The following ABCA13 variants were observed in gnomAD, a reference collection of about 807,000 sequenced individuals.
ABCA13 encodes the protein ATP binding cassette subfamily A member 13, also known as ATP-binding cassette sub-family A member 13.
A neutral mutation model predicts 478.7 loss-of-function variants in ABCA13; 476 were observed. The ratio of observed to expected loss-of-function variants is 0.99; its 90% CI spans 0.92 to 1.07. The LOEUF is 1.07. ABCA13 is among the 50% of genes least tolerant of loss of function. ABCA13 has a pLI of 0.00. For missense variants in ABCA13, 6,060 were observed against 5,910.6 expected (o/e 1.03, Z -0.83); for synonymous variants, 2,252 against 2,158.9 (o/e 1.04, Z -1.20).
At chr7:48,491,992 C>T (rs11760636) in intron 48 of ABCA13, among the ~76,000 whole-genome samples, 42,940 of 152,044 alleles carry the variant, frequency 0.28, 6,640 homozygotes, top group African/African-American at 0.4. Context: ...TTATACTACA[C>T]GGACAATATA....
chr7:48,536,565 G>T (rs1017429423), intron 55 of ABCA13, among the ~76,000 whole-genome samples: 2 of 151,638 alleles, frequency 1.3e-5, no homozygotes, highest in African/African-American at 4.8e-5. Context: ...GGAGAATCAC[G>T]TCAACTCTGG....
In ABCA13 at chr7:48,180,721, G is replaced by A. The variant is rs183522183; in HGVS notation, c.69+9169G>A. ...GGATTACAGGCGTGAGCCACCATGC[G>A]TGGCCGATGCTGGACATCTCTTAAT... On this transcript the variant is annotated intron_variant, in intron 1 of 61. Coordinates refer to ENST00000435803, the MANE Select transcript of ABCA13 (RefSeq NM_152701.5). Among the ~76,000 whole-genome samples the A allele has an allele frequency of 6.2e-3, 946 of 152,140 alleles. 5 individuals carry two copies. The highest frequency in any genetic ancestry group is 0.013 in the South Asian group (62 of 4,826).
At chr7:48,557,671 A>G (rs68110103) in intron 55 of ABCA13, among the ~76,000 whole-genome samples, 21,074 of 151,932 alleles carry the variant, frequency 0.14, 1,834 homozygotes, top group African/African-American at 0.23. Context: ...AATGGCTCAG[A>G]GTAGTCTTCT....
chr7:48,428,067 A>C (rs545730579), intron 42 of ABCA13, among the ~76,000 whole-genome samples, 196 bp downstream of exon 42: 91 of 150,350 alleles, frequency 6.1e-4, no homozygotes, highest in African/African-American at 2.2e-3. Context: ...AAAAAAAAAA[A>C]CTGTGTGTTT....
intron 25 of ABCA13, among the ~76,000 whole-genome samples, 194 bp downstream of exon 25, chr7:48,313,425 A>G (rs1802070326): frequency 6.6e-6 from 1 of 152,250 alleles, no homozygotes. Context: ...TAAAAACTGC[A>G]TGAAACTGAT....
At chr7:48,398,822 C>A (rs193181819) in intron 38 of ABCA13, among the ~76,000 whole-genome samples, 2 of 152,160 alleles carry the variant, frequency 1.3e-5, no homozygotes, top group Admixed American at 6.5e-5. Context: ...AAGCATTGAT[C>A]CCTGGACACT....
At chr7:48,619,620 A>C (rs995237163) in intron 59 of ABCA13, among the ~76,000 whole-genome samples, 1 of 152,180 alleles carries the variant, frequency 6.6e-6, no homozygotes, top group Non-Finnish European at 1.5e-5. Flanking sequence ...CGGTGACATC[A>C]CAAGGCCTAA....
chr7:48,216,662 A>T (rs1279482497), intron 3 of ABCA13, among the ~76,000 whole-genome samples: 1 of 151,810 alleles, frequency 6.6e-6, no homozygotes, highest in Non-Finnish European at 1.5e-5. Context: ...GCTCAGCCTA[A>T]CCTTCAATCA....
chr7:48,631,832 T>C (rs1020930879), intron 59 of ABCA13, among the ~76,000 whole-genome samples: 1 of 152,162 alleles, frequency 6.6e-6, no homozygotes, highest in Non-Finnish European at 1.5e-5. Context: ...ATTTGTGCCA[T>C]ATATGATTTC....
At chr7:48,453,180 ATCT>A (rs1232819270) in intron 42 of ABCA13, among the ~76,000 whole-genome samples, 5 of 152,028 alleles carry the variant, frequency 3.3e-5, no homozygotes, top group African/African-American at 1.2e-4. Flanking sequence ...GAGAATTTCA[ATCT>A]TCTGGGAAGT....
At chr7:48,403,290 G>A (rs1317720360) in intron 38 of ABCA13, among the ~76,000 whole-genome samples, 1 of 152,334 alleles carries the variant, frequency 6.6e-6, no homozygotes, top group African/African-American at 2.4e-5. Context: ...AGCTGGGCCT[G>A]CCTTGCTTCT....
intron 48 of ABCA13, among the ~76,000 whole-genome samples, chr7:48,497,694 G>A (rs1830394340): frequency 1.4e-5 from 2 of 141,394 alleles, no homozygotes. Flanking sequence ...TCGCCCACCA[G>A]CCTCACTGAC....
intron 1 of ABCA13, among the ~76,000 whole-genome samples, chr7:48,190,661 AT>A (rs1454988087): frequency 1.3e-5 from 2 of 152,156 alleles, no homozygotes; most frequent in African/African-American, 4.8e-5. Context: ...AAACATGCAA[AT>A]TTTCATGATG....
chr7:48,526,198 C>T (rs1832882817), intron 54 of ABCA13, among the ~76,000 whole-genome samples: 1 of 151,938 alleles, frequency 6.6e-6, no homozygotes, highest in Non-Finnish European at 1.5e-5. Context: ...GTTTCTATGA[C>T]CAGCCTCAGG....
chr7:48,219,272 T>G (rs1786979847), intron 3 of ABCA13, 82 bp from the exon 4 acceptor site: 1 of 1,439,728 alleles, frequency 6.9e-7, no homozygotes, highest in Admixed American at 2.8e-5. Flanking sequence ...TGAAAGCAAT[T>G]TGGTATCAAG....
intron 42 of ABCA13, among the ~76,000 whole-genome samples, chr7:48,439,865 G>C (rs994645586): frequency 2.6e-5 from 4 of 152,002 alleles, no homozygotes; most frequent in African/African-American, 9.7e-5. Flanking sequence ...TTTAATTGTG[G>C]GAGTGACAGT....
chr7:48,447,256 C>T (rs1824418885), intron 42 of ABCA13, among the ~76,000 whole-genome samples: 1 of 152,120 alleles, frequency 6.6e-6, no homozygotes, highest in African/African-American at 2.4e-5. Flanking sequence ...GATAAATAGG[C>T]CCTTGAAAGC....
chr7:48,247,402 CT>C (rs1484700841), intron 13 of ABCA13, among the ~76,000 whole-genome samples: 1 of 152,082 alleles, frequency 6.6e-6, no homozygotes, highest in Non-Finnish European at 1.5e-5. Flanking sequence ...AACTTGTAGT[CT>C]CATACGAAGC....
intron 1 of ABCA13, among the ~76,000 whole-genome samples, chr7:48,173,432 G>C (rs1794422348): frequency 3.9e-5 from 6 of 152,216 alleles, no homozygotes; most frequent in Admixed American, 2.6e-4. Flanking sequence ...AAGAAGGAAG[G>C]AATAAAGCAT....
Sources: allele counts gnomAD v4.1 joint callset (sites outside exome capture counted in the v4.1 genomes callset), GRCh38; gene constraint gnomAD v4.1.1; transcripts MANE v1.5; gene names NCBI Gene and HGNC (gene_info 2026-07-23, HGNC 2026-07-21).